Variants in GRIK3 observed in about 807,000 individuals in gnomAD.
GRIK3 encodes glutamate receptor ionotropic, kainate 3.
GRIK3 carries 29 observed loss-of-function variants against 102.5 expected under a neutral mutation model. The ratio of observed to expected loss-of-function variants is 0.28; its 90% CI spans 0.21 to 0.39. The LOEUF is 0.39. Ranked by LOEUF, GRIK3 falls within the 10% of genes least tolerant of loss-of-function variation. The probability of loss-of-function intolerance (pLI) is 1.00; values close to 1 mark genes in which losing one functional copy is unlikely to be tolerated. For synonymous variants in GRIK3, 511 were observed against 504.9 expected (o/e 1.01, Z -0.16); for missense variants, 908 against 1,252.4 (o/e 0.73, Z 4.15).
chr1:36,866,307 C>T (rs506066), intron 5 of GRIK3, among the ~76,000 whole-genome samples: 4,763 of 152,304 alleles, frequency 0.031, 227 homozygotes, highest in East Asian at 0.13. Flanking sequence ...GGAATCTGAG[C>T]CAGCCAGAGG....
chr1:36,868,153 A>G (rs537950165), intron 5 of GRIK3, among the ~76,000 whole-genome samples: 7 of 151,716 alleles, frequency 4.6e-5, no homozygotes, highest in Non-Finnish European at 1.0e-4. Flanking sequence ...GTGGGGAGAA[A>G]GTTGTGGACC....
chr1:37,033,893 G>C, intron 1 of GRIK3, 101 bp downstream of exon 1: 1 of 612,070 alleles, frequency 1.6e-6, no homozygotes, highest in Non-Finnish European at 2.9e-6. Context: ...TCAGCAGCTC[G>C]GAGAGAGGTT....
At chr1:36,921,900 A>G (rs1182186061) in intron 1 of GRIK3, among the ~76,000 whole-genome samples, 1 of 152,262 alleles carries the variant, frequency 6.6e-6, no homozygotes, top group African/African-American at 2.4e-5. Flanking sequence ...CCTGGGGTCC[A>G]GTGGCTCCTT....
chr1:36,876,624 C>T (rs1640914773), intron 3 of GRIK3, among the ~76,000 whole-genome samples: 1 of 152,186 alleles, frequency 6.6e-6, no homozygotes, highest in South Asian at 2.1e-4. Context: ...GCCAAAACAT[C>T]CTGATGGACA....
At chr1:36,928,704 G>A (rs58624970) in intron 1 of GRIK3, among the ~76,000 whole-genome samples, 73 of 152,226 alleles carry the variant, frequency 4.8e-4, no homozygotes, top group African/African-American at 1.5e-3. Flanking sequence ...AGACTTCAGC[G>A]TGGCAAAAGA....
At chr1:36,810,819 T>G (rs1642553042) in intron 13 of GRIK3, among the ~76,000 whole-genome samples, 1 of 152,182 alleles carries the variant, frequency 6.6e-6, no homozygotes, top group South Asian at 2.1e-4. Context: ...CTCTTTGGAG[T>G]CCATGGCCTC....
In GRIK3 at chr1:37,019,114, C is replaced by T. The variant is rs61768882; in HGVS notation, c.115+14880G>A. Reference sequence around the variant, plus strand: ...CCTCACCAGAGGAGACAGACTATGTCCCTTGGAGACTTACAAATTGGGTAC... The same window carrying T: ...CCTCACCAGAGGAGACAGACTATGTTCCTTGGAGACTTACAAATTGGGTAC... On this transcript the variant is annotated intron_variant, in intron 1 of 15. Coordinates refer to ENST00000373091, the MANE Select transcript of GRIK3 (RefSeq NM_000831.4). 2.0e-5 allele frequency among the ~76,000 whole-genome samples: 3 copies of T among 152,314 alleles called. No individual in the cohort carries two copies. In the East Asian group the frequency reaches 5.8e-4, roughly 29 times the overall value.
At chr1:37,018,407 A>T (rs1224400675) in intron 1 of GRIK3, among the ~76,000 whole-genome samples, 1 of 152,098 alleles carries the variant, frequency 6.6e-6, no homozygotes, top group Non-Finnish European at 1.5e-5. Context: ...GACCTTTAAC[A>T]CCAGATCTGC....
chr1:36,939,268 G>A (rs1268775631), intron 1 of GRIK3, among the ~76,000 whole-genome samples: 1 of 152,260 alleles, frequency 6.6e-6, no homozygotes, highest in African/African-American at 2.4e-5. Context: ...CATCAGAACA[G>A]CAGCCTTTCT....
chr1:36,956,041 C>T (rs1367600229), intron 1 of GRIK3, among the ~76,000 whole-genome samples: 2 of 152,236 alleles, frequency 1.3e-5, no homozygotes, highest in Admixed American at 6.5e-5. Flanking sequence ...ACAGCCAGAG[C>T]GGGGCCTGTG....
At chr1:36,913,659 C>T (rs1641369886) in intron 1 of GRIK3, among the ~76,000 whole-genome samples, 1 of 152,136 alleles carries the variant, frequency 6.6e-6, no homozygotes, top group Admixed American at 6.5e-5. Flanking sequence ...ACACACAAAG[C>T]ACACATCATT....
intron 5 of GRIK3, among the ~76,000 whole-genome samples, chr1:36,860,667 C>T (rs1375380085): frequency 6.6e-6 from 1 of 152,140 alleles, no homozygotes; most frequent in Non-Finnish European, 1.5e-5. Context: ...CCCCGCCCTG[C>T]AGCTCTGGGT....
chr1:36,954,625 A>G (rs567802383), intron 1 of GRIK3, among the ~76,000 whole-genome samples: 3 of 152,286 alleles, frequency 2.0e-5, no homozygotes, highest in South Asian at 2.1e-4. Flanking sequence ...GTTCCAAAGG[A>G]CAGGTCCCTG....
chr1:36,904,483 A>G (rs1198913613), intron 1 of GRIK3, among the ~76,000 whole-genome samples: 1 of 152,260 alleles, frequency 6.6e-6, no homozygotes, highest in East Asian at 1.9e-4. Context: ...AGGGAAATAA[A>G]TGATCAAAAT....
At chr1:36,807,255 G>C (rs776158856) in intron 13 of GRIK3, among the ~76,000 whole-genome samples, 73 of 152,134 alleles carry the variant, frequency 4.8e-4, no homozygotes, top group Non-Finnish European at 8.4e-4. Context: ...GGAGAGAGGA[G>C]GGCAAGGGCT....
intron 1 of GRIK3, among the ~76,000 whole-genome samples, chr1:37,004,569 C>A (rs1448660587): frequency 1.3e-5 from 2 of 152,162 alleles, no homozygotes; most frequent in Admixed American, 1.3e-4. Context: ...AATCAACAGG[C>A]TTTAAGTCTT....
intron 9 of GRIK3, among the ~76,000 whole-genome samples, chr1:36,846,623 C>T (rs776215346): frequency 1.3e-5 from 2 of 152,132 alleles, no homozygotes; most frequent in Non-Finnish European, 2.9e-5. Flanking sequence ...GAGGTGCTGG[C>T]CCTACATTCA....
chr1:36,815,978 T>C (rs1642622118), intron 13 of GRIK3, among the ~76,000 whole-genome samples: 1 of 151,808 alleles, frequency 6.6e-6, no homozygotes, highest in Non-Finnish European at 1.5e-5. Context: ...CTCGAACTCC[T>C]GACCTCGTGA....
intron 1 of GRIK3, among the ~76,000 whole-genome samples, chr1:36,958,449 T>C (rs556857797): frequency 5.5e-5 from 8 of 146,310 alleles, no homozygotes; most frequent in Non-Finnish European, 1.2e-4. Context: ...CCCGAGTCTG[T>C]GTGCCCTGTG....
Sources: gnomAD v4.1 joint callset for allele counts (sites outside exome capture counted in the v4.1 genomes callset) on GRCh38, gnomAD v4.1.1 for gene constraint, MANE v1.5 for transcripts, NCBI Gene and HGNC (gene_info 2026-07-23, HGNC 2026-07-21) for gene names.